MAX: variants seen among roughly 807,000 people sequenced by gnomAD.
The protein encoded by MAX is protein max.
A neutral mutation model predicts 22.3 loss-of-function variants in MAX; 3 were observed. That is an observed-to-expected ratio of 0.13 (90% CI 0.06 to 0.35). MAX has a LOEUF of 0.35. Ranked by LOEUF, MAX falls within the 10% of genes least tolerant of loss-of-function variation. The probability of loss-of-function intolerance (pLI) is 1.00; values close to 1 mark genes in which losing one functional copy is unlikely to be tolerated. For missense variants in MAX, 119 were observed against 209.4 expected, an observed-to-expected ratio of 0.57 and a Z score of 2.66; for synonymous variants, 72 against 77.7, an observed-to-expected ratio of 0.93 and a Z score of 0.39.
At chr14:65,017,088 A>C (rs146186842) in intron 3 of MAX, among the ~76,000 whole-genome samples, 4 of 151,934 alleles carry the variant, frequency 2.6e-5, no homozygotes, top group African/African-American at 9.7e-5. Flanking sequence ...GTGCCTGGCT[A>C]ATTTTTGTAT....
At chr14:65,087,837 T>C (rs890288065) in intron 3 of MAX, among the ~76,000 whole-genome samples, 3 of 152,122 alleles carry the variant, frequency 2.0e-5, no homozygotes, top group Non-Finnish European at 4.4e-5. Flanking sequence ...TAATATAGTT[T>C]GGCTGTGTCT....
Position 65,079,349 on chromosome 14 carries a change from A to G in MAX, c.172-1313T>C, listed in dbSNP as rs57529799. ...TTCAGGAAACAACCACACCTCTACA[A>G]TGGCTGTGGGTTGCCTGGGTACTGC... On this transcript the variant is annotated intron_variant, in intron 3 of 4. Transcript: ENST00000358664. This position sits in a 1 kb window ranked among gnomAD's most constrained non-coding sequence, Gnocchi z 4.5. Among the ~76,000 whole-genome samples, 1,035 of 152,320 alleles carry G rather than the reference A, an allele frequency of 6.8e-3. 7 individuals carry two copies. Among genetic ancestry groups the G allele is most frequent in the African/African-American group, 0.024 (985 of 41,576 alleles).
At position 65,075,491 on chromosome 14, in the gene MAX, T is replaced by C; in HGVS notation, c.*985A>G. 1 of 1,064,668 alleles carries C rather than the reference T, an allele frequency of 9.4e-7. No individual in the cohort carries two copies. The highest frequency in any genetic ancestry group is 1.1e-6 in the Non-Finnish European group (1 of 878,680). The allele number at this position is 1,064,668 out of a possible 1,614,324, so 66.0% of individuals were successfully genotyped here. On this transcript the variant is annotated 3_prime_UTR_variant, in exon 5 of 5. Coordinates refer to ENST00000358664, the MANE Select transcript of MAX (RefSeq NM_002382.5). This position sits in a 1 kb window ranked among gnomAD's most constrained non-coding sequence, Gnocchi z 4.1. ...GTACCAGGTAAATTGCTCTTGGTAT[T>C]TACATACAAAATCAGTTGGCTCTAT...
chr14:65,057,907 G>T (rs996139415), intron 3 of MAX, among the ~76,000 whole-genome samples: 3 of 152,060 alleles, frequency 2.0e-5, no homozygotes, highest in Non-Finnish European at 4.4e-5. Context: ...TTGTTCCTTT[G>T]GTCTGTTTGC....
In MAX at chr14:65,007,139, A is replaced by G. The variant is rs2061607340; in HGVS notation, c.172-855T>C. On this transcript the variant is annotated intron_variant, in intron 3 of 3. Coordinates refer to the MAX transcript ENST00000341653. The surrounding 1 kb of genome is among the most constrained non-coding windows in gnomAD (Gnocchi z 4.9). ...AATGGCTGAGTATATAATTCAACAT[A>G]TCAATATAAGGCTGAAGGCAAACAT... Among the ~76,000 whole-genome samples, 1 of 152,266 alleles carries G rather than the reference A, an allele frequency of 6.6e-6. No homozygotes were observed. The highest frequency in any genetic ancestry group is 2.4e-5 in the African/African-American group (1 of 41,468).
intron 3 of MAX, among the ~76,000 whole-genome samples, chr14:65,040,043 G>T (rs78098664): frequency 6.6e-6 from 1 of 151,862 alleles, no homozygotes; most frequent in Non-Finnish European, 1.5e-5. Context: ...ACAAAAAATG[G>T]TCCGGGTATG....
intron 3 of MAX, among the ~76,000 whole-genome samples, chr14:65,058,256 ATT>A (rs202128758): frequency 1.6e-5 from 2 of 127,532 alleles, no homozygotes. Context: ...AAGGACTAGC[ATT>A]TTTTTTTTTT....
chr14:65,075,150 A>G lies in MAX; in HGVS notation c.*1326T>C. On this transcript the variant is annotated 3_prime_UTR_variant, in exon 5 of 5. Transcript: ENST00000358664. This position sits in a 1 kb window ranked among gnomAD's most constrained non-coding sequence, Gnocchi z 4.1. ...AGAAGGATAAAATAAGTTTTTATTT[A>G]TAGTCTTATAGTAAAGGGGGAAGCC... is the stretch of plus-strand genomic sequence containing the variant. 1.7e-5 allele frequency: 17 copies of G among 1,024,704 alleles called. No homozygotes were observed. Among genetic ancestry groups the G allele is most frequent in the Non-Finnish European group, 2.0e-5 (17 of 853,426 alleles). 63.5% of individuals were successfully genotyped at this position (1,024,704 alleles called of 1,614,324 possible).
rs1334309116 is a variant in MAX, at chr14:65,047,208, CAT to C, written c.172-40926_172-40925del. ...GCCAGGGGCTGTACTGAGCATTTCA[CAT>C]ATGTTTTCTCATTTAATTCTCAAAA... is the stretch of plus-strand genomic sequence containing the variant. On this transcript the variant is annotated intron_variant, in intron 3 of 3. Coordinates refer to the MAX transcript ENST00000341653. This position sits in a 1 kb window ranked among gnomAD's most constrained non-coding sequence, Gnocchi z 5.2. Among the ~76,000 whole-genome samples the C allele has an allele frequency of 6.6e-6, 1 of 152,234 alleles. No homozygotes were observed. Among genetic ancestry groups the C allele is most frequent in the African/African-American group, 2.4e-5 (1 of 41,460 alleles).
Position 65,027,761 on chromosome 14 carries a change from C to G in MAX, c.172-21477G>C. 6.2e-7 allele frequency: 1 copy of G among 1,614,068 alleles called. No homozygotes were observed. The highest frequency in any genetic ancestry group is 8.5e-7 in the Non-Finnish European group (1 of 1,180,022). ...CTGACGGCTCCTTTCTCATGCATGT[C>G]GGAGGTGAGGTGGATGTGAGGTGAG... On this transcript the variant is annotated intron_variant, in intron 3 of 3. Transcript: ENST00000341653. The surrounding 1 kb of genome is among the most constrained non-coding windows in gnomAD (Gnocchi z 5.7).
rs939452200 is a variant in MAX at position 65,102,463 on chromosome 14, A to G, written c.-124T>C. ...CACACACACACTCACTCACTCACTC[A>G]CTCGCTCTCTCACTCACACACACAC... On this transcript the variant is annotated 5_prime_UTR_variant, in exon 1 of 5. Coordinates refer to ENST00000358664, the MANE Select transcript of MAX (RefSeq NM_002382.5). 3.4e-5 allele frequency: 52 copies of G among 1,517,926 alleles called. No individual in the cohort carries two copies. The Admixed American group carries it at 4.0e-4, about 12-fold the overall frequency. 94.0% of individuals were successfully genotyped at this position (1,517,926 alleles called of 1,614,324 possible).
At position 65,088,586 on chromosome 14, in the gene MAX, C is replaced by A. The variant is rs962957863; in HGVS notation, c.171+5122G>T. On this transcript the variant is annotated intron_variant, in intron 3 of 4. Transcript: ENST00000358664. This position sits in a 1 kb window ranked among gnomAD's most constrained non-coding sequence, Gnocchi z 5.2. ...CTATAGACATAGGTTACCGAATGAA[C>A]TGTCAGCCTTAAACGCATCAACAGG... Among the ~76,000 whole-genome samples the A allele has an allele frequency of 6.6e-6, 1 of 152,234 alleles. No homozygotes were observed. The highest frequency in any genetic ancestry group is 1.5e-5 in the Non-Finnish European group (1 of 68,052).
chr14:65,016,686 C>G (rs1468976795), intron 3 of MAX, among the ~76,000 whole-genome samples: 1 of 152,208 alleles, frequency 6.6e-6, no homozygotes, highest in Admixed American at 6.5e-5. Context: ...ACAATAACCT[C>G]TCATTCTTGC....
chr14:65,010,783 CCTG>C (rs2061670547), intron 3 of MAX, among the ~76,000 whole-genome samples: 1 of 152,264 alleles, frequency 6.6e-6, no homozygotes, highest in Non-Finnish European at 1.5e-5. Context: ...GGGCAGTACT[CCTG>C]CTTTCCTCCC....
chr14:65,070,083 G>C lies in MAX; in HGVS notation c.171+23625C>G, dbSNP rs376953379. Among the ~76,000 whole-genome samples the C allele has an allele frequency of 4.6e-5, 7 of 150,636 alleles. No individual in the cohort carries two copies. The highest frequency in any genetic ancestry group is 2.1e-4 in the South Asian group (1 of 4,828). On this transcript the variant is annotated intron_variant, in intron 3 of 3. Transcript: ENST00000341653. The surrounding 1 kb of genome is among the most constrained non-coding windows in gnomAD (Gnocchi z 4.4). ...GAGCCATGGGCTGCCGGGCTGCCAGGCTGCCAGCCGGATTCCGGATGAGTG... is the reference window on the plus strand; with the variant it reads ...GAGCCATGGGCTGCCGGGCTGCCAGCCTGCCAGCCGGATTCCGGATGAGTG...
In MAX at chr14:65,044,242, G is replaced by A. The variant is rs2062425637; in HGVS notation, c.172-37958C>T. On this transcript the variant is annotated intron_variant, in intron 3 of 3. Coordinates refer to the MAX transcript ENST00000341653. This position sits in a 1 kb window ranked among gnomAD's most constrained non-coding sequence, Gnocchi z 5.5. The stretch of plus-strand genomic sequence containing the variant: ...CCCTCCATCCCACAGATTGACTCCT[G>A]GAGATTCTGTCGGGCTGGATTTTGT... 3.2e-5 allele frequency: 52 copies of A among 1,608,236 alleles called. No homozygotes were observed. The highest frequency in any genetic ancestry group is 4.2e-5 in the Non-Finnish European group (49 of 1,177,774).
In MAX at chr14:65,049,207, A is replaced by G. The variant is rs117486095; in HGVS notation, c.172-42923T>C. 9.3e-3 allele frequency among the ~76,000 whole-genome samples: 1,406 copies of G among 151,622 alleles called. 26 individuals are homozygous for G. The highest frequency in any genetic ancestry group is 0.021 in the Middle Eastern group (6 of 290). The stretch of plus-strand genomic sequence containing the variant: ...CTTTGTTTTTTTGTTTTGTGGAGCA[A>G]TAAGAAAGCAGCAGGCCTGTGAGTT... On this transcript the variant is annotated intron_variant, in intron 3 of 3. Transcript: ENST00000341653.
In MAX at chr14:65,088,822, T is replaced by C. The variant is rs565749913; in HGVS notation, c.171+4886A>G. Among the ~76,000 whole-genome samples, 1 of 152,330 alleles carries C rather than the reference T, an allele frequency of 6.6e-6. No individual in the cohort carries two copies. The highest frequency in any genetic ancestry group is 1.9e-4 in the East Asian group (1 of 5,192). On this transcript the variant is annotated intron_variant, in intron 3 of 4. Coordinates refer to ENST00000358664, the MANE Select transcript of MAX (RefSeq NM_002382.5). The surrounding 1 kb of genome is among the most constrained non-coding windows in gnomAD (Gnocchi z 5.2). ...TCACACAAATATATATAAAACCTCA[T>C]ATATTAAGTATAATATATAAATGTG...
At position 65,044,257 on chromosome 14, in the gene MAX, C is replaced by A. The variant is rs1474170030; in HGVS notation, c.172-37973G>T. ...ATTGACTCCTGGAGATTCTGTCGGG[C>A]TGGATTTTGTCTCTTTTAGCCTACA... On this transcript the variant is annotated intron_variant, in intron 3 of 3. Transcript: ENST00000341653. This position sits in a 1 kb window ranked among gnomAD's most constrained non-coding sequence, Gnocchi z 5.5. 11 of 1,606,384 alleles carry A rather than the reference C, an allele frequency of 6.8e-6. No individual in the cohort carries two copies. The highest frequency in any genetic ancestry group is 9.3e-6 in the Non-Finnish European group (11 of 1,176,842).
Sources: allele counts gnomAD v4.1 joint callset (sites outside exome capture counted in the v4.1 genomes callset), GRCh38; gene constraint gnomAD v4.1.1; non-coding constraint Gnocchi (gnomAD v3.1); transcripts MANE v1.5; gene names NCBI Gene and HGNC (gene_info 2026-07-23, HGNC 2026-07-21).